Variants in POU2F1 observed in about 807,000 individuals in gnomAD.
POU2F1 encodes POU class 2 homeobox 1.
Under a neutral mutation model 84.9 loss-of-function variants are expected in POU2F1, and 16 were observed. That is an observed-to-expected ratio of 0.19 (90% confidence interval 0.13 to 0.29). The LOEUF (loss-of-function observed/expected upper bound fraction) is 0.29. POU2F1 is among the 10% of genes least tolerant of loss of function. POU2F1 has a pLI of 1.00. For missense variants in POU2F1, 738 were observed against 942.6 expected, an observed-to-expected ratio of 0.78 and a Z score of 2.84; for synonymous variants, 368 against 368.3, an observed-to-expected ratio of 1.00 and a Z score of 0.01.
intron 2 of POU2F1, 93 bp from the exon 3 acceptor site, chr1:167,365,374 A>G: frequency 5.5e-6 from 5 of 905,098 alleles, no homozygotes; most frequent in Non-Finnish European, 8.1e-6. Flanking sequence ...TACTTATGCA[A>G]AATAGGTGCC....
intron 1 of POU2F1, among the ~76,000 whole-genome samples, chr1:167,304,143 A>C (rs1386774637): frequency 1.3e-5 from 2 of 152,198 alleles, no homozygotes; most frequent in Non-Finnish European, 2.9e-5. Context: ...TTTTATTTTT[A>C]AGTACTTTAA....
At chr1:167,320,129 C>G (rs1170335726) in intron 1 of POU2F1, among the ~76,000 whole-genome samples, 5 of 150,306 alleles carry the variant, frequency 3.3e-5, no homozygotes, top group African/African-American at 1.3e-4. Context: ...TAAGTAAAGT[C>G]GTCAGCTGCT....
intron 13 of POU2F1, among the ~76,000 whole-genome samples, chr1:167,411,036 A>T (rs1649923144): frequency 1.3e-5 from 2 of 150,742 alleles, no homozygotes; most frequent in Admixed American, 6.6e-5. Flanking sequence ...CCTCACAAAT[A>T]ATTTCTTTTT....
chr1:167,291,097 T>A (rs1653895039), intron 1 of POU2F1, among the ~76,000 whole-genome samples: 1 of 151,808 alleles, frequency 6.6e-6, no homozygotes, highest in East Asian at 1.9e-4. Flanking sequence ...AAATATGCAT[T>A]TCTGAAGGAG....
intron 6 of POU2F1, among the ~76,000 whole-genome samples, chr1:167,375,408 T>C (rs531633103): frequency 6.6e-6 from 1 of 152,330 alleles, no homozygotes; most frequent in Admixed American, 6.5e-5. Context: ...CTAAATAAGA[T>C]AACGTTCATG....
intron 1 of POU2F1, chr1:167,329,041 CTA>C (rs1656897154): frequency 8.5e-7 from 1 of 1,178,190 alleles, no homozygotes; most frequent in East Asian, 4.7e-5. Flanking sequence ...GTAGGAGAGA[CTA>C]AAACTCCTCT....
At chr1:167,345,219 G>C (rs1658111533) in intron 2 of POU2F1, among the ~76,000 whole-genome samples, 1 of 152,184 alleles carries the variant, frequency 6.6e-6, no homozygotes, top group African/African-American at 2.4e-5. Flanking sequence ...CATTTTTGAG[G>C]AGAGGGGAGG....
intron 8 of POU2F1, 94 bp from the exon 9 acceptor site, chr1:167,389,494 A>AT (rs2101892468): frequency 7.3e-7 from 1 of 1,371,686 alleles, no homozygotes; most frequent in South Asian, 1.3e-5. Context: ...ATCGTTATCC[A>AT]TAAATGTGGC....
chr1:167,295,711 T>C lies in POU2F1; in HGVS notation c.62-36759T>C, dbSNP rs896395034. Among the ~76,000 whole-genome samples the C allele has an allele frequency of 2.6e-5, 4 of 152,336 alleles. No individual in the cohort carries two copies. In the East Asian group the frequency reaches 7.7e-4, roughly 29 times the overall value. Reference sequence around the variant, plus strand: ...CCATGAACATGATTCAGAGGCTAAATTGTAATAAAAGATTTCTCTTAATGT... The same window carrying C: ...CCATGAACATGATTCAGAGGCTAAACTGTAATAAAAGATTTCTCTTAATGT... On this transcript the variant is annotated intron_variant, in intron 1 of 15. Coordinates refer to ENST00000367866, the MANE Select transcript of POU2F1 (RefSeq NM_002697.4).
intron 13 of POU2F1, among the ~76,000 whole-genome samples, chr1:167,402,559 A>G (rs748668975): frequency 2.6e-5 from 4 of 152,214 alleles, no homozygotes; most frequent in Non-Finnish European, 5.9e-5. Flanking sequence ...TTTGAAAGCT[A>G]CAGACTTTTC....
intron 1 of POU2F1, among the ~76,000 whole-genome samples, chr1:167,322,440 G>A (rs1236370983): frequency 6.6e-6 from 1 of 152,234 alleles, no homozygotes; most frequent in Non-Finnish European, 1.5e-5. Flanking sequence ...TCACTGGCAA[G>A]GGTTGACAGA....
In POU2F1 at chr1:167,309,428, C is replaced by G. The variant is rs145572000; in HGVS notation, c.62-23042C>G. Among the ~76,000 whole-genome samples, 95 of 152,210 alleles carry G rather than the reference C, an allele frequency of 6.2e-4. No homozygotes were observed. The Middle Eastern group carries it at 0.02, about 33-fold the overall frequency. ...TTCCCCAACAGTGGTACACTTCACT[C>G]TCATTATCCTTAAAATAATTACTTA... On this transcript the variant is annotated intron_variant, in intron 1 of 15. Transcript: ENST00000367866.
At chr1:167,297,746 C>G (rs1654389373) in intron 1 of POU2F1, among the ~76,000 whole-genome samples, 5 of 152,140 alleles carry the variant, frequency 3.3e-5, no homozygotes, top group Admixed American at 3.3e-4. Context: ...ATGTCACAAC[C>G]AACAGAAGCA....
chr1:167,291,074 T>C (rs1255832925), intron 1 of POU2F1, among the ~76,000 whole-genome samples: 1 of 148,028 alleles, frequency 6.8e-6, no homozygotes, highest in Admixed American at 6.7e-5. Context: ...AGTCATTTCA[T>C]AAAATTGTTG....
chr1:167,380,840 A>G (rs1246218327), intron 7 of POU2F1: 1 of 152,214 alleles, frequency 6.6e-6, no homozygotes, highest in Non-Finnish European at 1.5e-5. Context: ...GTAACTGTCT[A>G]GAATTTAATT....
At chr1:167,221,144 G>A (rs1169554031) in intron 1 of POU2F1, among the ~76,000 whole-genome samples, 186 bp downstream of exon 1, 2 of 151,450 alleles carry the variant, frequency 1.3e-5, no homozygotes, top group Non-Finnish European at 3.0e-5. Context: ...GCTCGGAGCG[G>A]CCAGGCGGAG....
intron 1 of POU2F1, among the ~76,000 whole-genome samples, chr1:167,312,534 G>A (rs1655571102): frequency 6.6e-6 from 1 of 152,076 alleles, no homozygotes; most frequent in African/African-American, 2.4e-5. Flanking sequence ...CTGGCTAAAA[G>A]TCAAATTTTT....
chr1:167,245,509 G>A (rs1234564951), intron 1 of POU2F1, among the ~76,000 whole-genome samples: 3 of 151,636 alleles, frequency 2.0e-5, no homozygotes, highest in Non-Finnish European at 4.4e-5. Flanking sequence ...CACCTACCCG[G>A]TTCAAGTGAT....
intron 1 of POU2F1, among the ~76,000 whole-genome samples, chr1:167,252,796 G>A (rs1650829940): frequency 6.6e-6 from 1 of 152,150 alleles, no homozygotes; most frequent in African/African-American, 2.4e-5. Flanking sequence ...ATAACTTCTT[G>A]TTTATAACAG....
Sources: allele counts gnomAD v4.1 joint callset (sites outside exome capture counted in the v4.1 genomes callset), GRCh38; gene constraint gnomAD v4.1.1; transcripts MANE v1.5; gene names NCBI Gene and HGNC (gene_info 2026-07-23, HGNC 2026-07-21).